The following USP22 variants were observed in gnomAD, a reference collection of about 807,000 sequenced individuals.
USP22 encodes the protein ubiquitin specific peptidase 22.
In USP22, 22 loss-of-function variants were observed where a neutral mutation model predicts 68.1. The observed-to-expected ratio is 0.32, with a 90% CI of 0.23 to 0.46. The LOEUF is 0.46. USP22 is among the 20% of genes least tolerant of loss of function. The probability of loss-of-function intolerance (pLI) is 1.00; values close to 1 mark genes in which losing one functional copy is unlikely to be tolerated. For missense variants in USP22, 433 were observed against 695.8 expected (o/e 0.62, Z 4.25); for synonymous variants, 279 against 274.2 (o/e 1.02, Z -0.17).
rs78671693 is a variant in USP22 at position 21,005,772 on chromosome 17, C to G, written c.1323-782G>C. ...ACTGTGGCCACCAAAAAATAACACC[C>G]TGCAAATAACAACATCCACGTCTCA... is the stretch of plus-strand genomic sequence containing the variant. On this transcript the variant is annotated intron_variant, in intron 10 of 12. Transcript: ENST00000261497. 4.4e-3 allele frequency among the ~76,000 whole-genome samples: 668 copies of G among 152,360 alleles called. 7 individuals carry two copies. The highest frequency in any genetic ancestry group is 0.015 in the African/African-American group (633 of 41,578).
At chr17:21,022,355 A>G (rs545225055) in intron 2 of USP22, among the ~76,000 whole-genome samples, 71 of 152,232 alleles carry the variant, frequency 4.7e-4, no homozygotes, top group Admixed American at 3.9e-4. Context: ...TTTCTTTGTT[A>G]AAAGTAATAA....
intron 7 of USP22, 70 bp downstream of exon 7, chr17:21,012,760 T>C (rs1194064670): frequency 1.6e-5 from 22 of 1,392,778 alleles, no homozygotes; most frequent in Non-Finnish European, 2.1e-5. Flanking sequence ...CACACAGCTC[T>C]GGAGACTGGG....
Position 21,019,090 on chromosome 17 carries a change from T to A in USP22, c.514A>T (p.Thr172Ser). Residue 172 changes from threonine to serine, a missense_variant, in exon 4 of 13, where the codon ACC (threonine) becomes TCC (serine). Transcript: ENST00000261497. ...GACGACACGCTCCACCCACCTATGG[T>A]GCAGTTCGAGGTGATCTTTCTCCTT... ...PKRRKITSNC[T>S]IGLRGLINLG... 1 of 1,614,144 alleles carries A rather than the reference T, an allele frequency of 6.2e-7. No homozygotes were observed. The highest frequency in any genetic ancestry group is 8.5e-7 in the Non-Finnish European group (1 of 1,179,964).
intron 1 of USP22, among the ~76,000 whole-genome samples, chr17:21,034,492 G>T (rs1972330265): frequency 6.6e-6 from 1 of 152,158 alleles, no homozygotes; most frequent in Non-Finnish European, 1.5e-5. Flanking sequence ...TCTGAAAATA[G>T]TAACATGGAA....
intron 1 of USP22, among the ~76,000 whole-genome samples, chr17:21,040,907 G>C (rs1904230): frequency 0.75 from 110,792 of 148,026 alleles, 41,799 homozygotes; most frequent in South Asian, 0.82. Context: ...TTTTTCCGGA[G>C]GGGGTCTTGC....
intron 1 of USP22, among the ~76,000 whole-genome samples, chr17:21,034,839 C>G (rs1972334436): frequency 6.6e-6 from 1 of 152,088 alleles, no homozygotes; most frequent in Admixed American, 6.6e-5. Flanking sequence ...AATAAGAAAA[C>G]AATATCAAAT....
intron 8 of USP22, among the ~76,000 whole-genome samples, chr17:21,008,228 G>A (rs1597688652): frequency 1.3e-5 from 2 of 152,118 alleles, no homozygotes; most frequent in Admixed American, 6.5e-5. Flanking sequence ...TGGGGAAATG[G>A]TAATAATTTT....
At chr17:21,037,418 A>G (rs1350570768) in intron 1 of USP22, among the ~76,000 whole-genome samples, 1 of 152,226 alleles carries the variant, frequency 6.6e-6, no homozygotes, top group Non-Finnish European at 1.5e-5. Flanking sequence ...CATTCAGTCA[A>G]GCCCAGCAAC....
At position 21,001,186 on chromosome 17, in the gene USP22, G is replaced by A. The variant is rs1913564548; in HGVS notation, c.*1845C>T. ...TCTGGTAATTCATTTTATAAAACATGCTTCCATGTGAATTCTTTAAGTGCA... is the reference window on the plus strand; with the variant it reads ...TCTGGTAATTCATTTTATAAAACATACTTCCATGTGAATTCTTTAAGTGCA... On this transcript the variant is annotated 3_prime_UTR_variant, in exon 13 of 13. Coordinates refer to ENST00000261497, the MANE Select transcript of USP22 (RefSeq NM_015276.2). The A allele has an allele frequency of 6.6e-6, 1 of 152,130 alleles. No individual in the cohort carries two copies. Among genetic ancestry groups the A allele is most frequent in the South Asian group, 2.1e-4 (1 of 4,830 alleles). The allele number at this position is 152,130 out of a possible 1,614,324, so 9.4% of individuals were successfully genotyped here.
chr17:21,031,424 G>C (rs986959970), intron 1 of USP22, among the ~76,000 whole-genome samples: 2 of 152,244 alleles, frequency 1.3e-5, no homozygotes, highest in Admixed American at 1.3e-4. Flanking sequence ...CTCCTGCTGT[G>C]CTACACACTC....
chr17:21,020,451 C>CTGTG (rs1972143340), intron 3 of USP22, among the ~76,000 whole-genome samples: 1 of 151,858 alleles, frequency 6.6e-6, no homozygotes, highest in Admixed American at 6.5e-5. Flanking sequence ...AAGGATCTGA[C>CTGTG]TGTGCAGTGG....
chr17:21,002,762 GT>G lies in USP22; in HGVS notation c.*268del. 3 of 427,888 alleles carry G rather than the reference GT, an allele frequency of 7.0e-6. No homozygotes were observed. Among genetic ancestry groups the G allele is most frequent in the Admixed American group, 7.2e-5 (2 of 27,936 alleles). The allele number at this position is 427,888 out of a possible 1,614,324, so 26.5% of individuals were successfully genotyped here. On this transcript the variant is annotated 3_prime_UTR_variant, in exon 13 of 13. Transcript: ENST00000261497. The stretch of plus-strand genomic sequence containing the variant: ...ACCCCCATGTCATGACACAAGAGAT[GT>G]TCTGGTGACGGGTGTACGCTGCTCC...
chr17:21,004,452 G>GC, intron 11 of USP22, 101 bp from the exon 12 acceptor site: 1 of 1,430,436 alleles, frequency 7.0e-7, no homozygotes, highest in Non-Finnish European at 9.6e-7. Context: ...GGAGCGGGAG[G>GC]CCTGTGGGCC....
chr17:21,014,201 A>T (rs1278504216), intron 6 of USP22, among the ~76,000 whole-genome samples: 1 of 152,264 alleles, frequency 6.6e-6, no homozygotes. Flanking sequence ...CAGGTTTCTA[A>T]ACAGAAGAAC....
intron 1 of USP22, chr17:21,042,335 A>C (rs1972445832): frequency 1.4e-5 from 2 of 146,688 alleles, no homozygotes; most frequent in Non-Finnish European, 1.4e-5. Context: ...AAGAAGGATA[A>C]GGGAGGGGGA....
chr17:21,004,700 G>A (rs1457943425), intron 11 of USP22, among the ~76,000 whole-genome samples: 1 of 151,912 alleles, frequency 6.6e-6, no homozygotes, highest in Non-Finnish European at 1.5e-5. Context: ...TCCTGCCAGA[G>A]GCCAAGAGTG....
chr17:21,023,348 A>C (rs1482574920), intron 2 of USP22, among the ~76,000 whole-genome samples: 1 of 152,126 alleles, frequency 6.6e-6, no homozygotes, highest in Non-Finnish European at 1.5e-5. Flanking sequence ...AAGTTAAAAT[A>C]TTTTTTAAAA....
intron 2 of USP22, among the ~76,000 whole-genome samples, chr17:21,027,930 C>T (rs1179725826): frequency 2.0e-5 from 3 of 152,136 alleles, no homozygotes; most frequent in East Asian, 3.9e-4. Context: ...ATCACACCAC[C>T]GCACTCCACC....
chr17:21,019,667 T>G (rs1389888322), intron 3 of USP22, among the ~76,000 whole-genome samples: 4 of 64,698 alleles, frequency 6.2e-5, no homozygotes, highest in Non-Finnish European at 1.6e-4. Flanking sequence ...CACAAAATAT[T>G]CAGAGAGTGG....
Sources: gnomAD v4.1 joint callset for allele counts (sites outside exome capture counted in the v4.1 genomes callset) on GRCh38, gnomAD v4.1.1 for gene constraint, MANE v1.5 for transcripts, NCBI Gene and HGNC (gene_info 2026-07-23, HGNC 2026-07-21) for gene names.